The following GHR variants were observed in gnomAD, a reference collection of about 807,000 sequenced individuals.
GHR encodes the protein growth hormone receptor.
Under a neutral mutation model 67.1 loss-of-function variants are expected in GHR, and 35 were observed. The observed-to-expected ratio is 0.52, with a 90% CI of 0.40 to 0.69. GHR has a LOEUF of 0.69. Ranked by LOEUF, GHR falls within the 30% of genes least tolerant of loss-of-function variation. The pLI, the probability that GHR is intolerant of heterozygous loss-of-function variation, is 0.00. For synonymous variants in GHR, 272 were observed against 269.1 expected, an observed-to-expected ratio of 1.01 and a Z score of -0.10; for missense variants, 792 against 764.6, an observed-to-expected ratio of 1.04 and a Z score of -0.42.
chr5:42,663,305 A>G (rs1339364047), intron 3 of GHR, among the ~76,000 whole-genome samples: 1 of 152,256 alleles, frequency 6.6e-6, no homozygotes, highest in Non-Finnish European at 1.5e-5. Context: ...AGAGAATTTT[A>G]GGCCAATATC....
chr5:42,583,543 C>A (rs186489060), intron 2 of GHR, among the ~76,000 whole-genome samples: 1 of 152,270 alleles, frequency 6.6e-6, no homozygotes, highest in East Asian at 1.9e-4. Flanking sequence ...CACAAGTCAG[C>A]GCAGGTCCCC....
At chr5:42,464,521 C>A (rs1744642911) in intron 1 of GHR, among the ~76,000 whole-genome samples, 2 of 151,940 alleles carry the variant, frequency 1.3e-5, no homozygotes, top group Non-Finnish European at 2.9e-5. Context: ...TGGACCAAGT[C>A]AAGAGGAAAG....
intron 1 of GHR, among the ~76,000 whole-genome samples, chr5:42,521,891 T>C (rs544446926): frequency 9.8e-5 from 15 of 152,366 alleles, no homozygotes; most frequent in African/African-American, 3.1e-4. Flanking sequence ...ATATTCTCTT[T>C]GCTGTTTTTA....
rs1202099034 is a variant in GHR at position 42,424,772 on chromosome 5, C to G, written c.-12+817C>G. 6.6e-6 allele frequency among the ~76,000 whole-genome samples: 1 copy of G among 152,172 alleles called. No homozygotes were observed. Among genetic ancestry groups the G allele is most frequent in the East Asian group, 1.9e-4 (1 of 5,162 alleles). ...CAGAGGGTGCGGGGCAGGGCACTTG[C>G]GAGTGCGTGGGGAAGTCTATTTGGG... On this transcript the variant is annotated intron_variant, in intron 1 of 9. Coordinates refer to ENST00000230882, the MANE Select transcript of GHR (RefSeq NM_000163.5). The surrounding 1 kb of genome is among the most constrained non-coding windows in gnomAD (Gnocchi z 4.1).
At chr5:42,646,883 A>G (rs80296714) in intron 3 of GHR, among the ~76,000 whole-genome samples, 2,413 of 152,282 alleles carry the variant, frequency 0.016, 22 homozygotes, top group Middle Eastern at 0.051. Flanking sequence ...TGACTTGCAT[A>G]CTTTCTCATA....
At chr5:42,558,973 G>C (rs1749456228) in intron 1 of GHR, among the ~76,000 whole-genome samples, 1 of 152,020 alleles carries the variant, frequency 6.6e-6, no homozygotes, top group African/African-American at 2.4e-5. Flanking sequence ...TCAATTCTGT[G>C]TATATTTTAT....
At chr5:42,649,240 T>C (rs1754896697) in intron 3 of GHR, among the ~76,000 whole-genome samples, 1 of 152,210 alleles carries the variant, frequency 6.6e-6, no homozygotes, top group Non-Finnish European at 1.5e-5. Flanking sequence ...TAGTTTCCTT[T>C]CTTTTTGTGC....
chr5:42,513,589 C>A (rs1747115538), intron 1 of GHR, among the ~76,000 whole-genome samples: 1 of 152,120 alleles, frequency 6.6e-6, no homozygotes, highest in Admixed American at 6.5e-5. Flanking sequence ...TCCAGCCCAG[C>A]CTGACCAACA....
intron 1 of GHR, among the ~76,000 whole-genome samples, chr5:42,495,485 AT>A (rs937907154): frequency 6.6e-5 from 10 of 151,672 alleles, no homozygotes; most frequent in African/African-American, 2.4e-4. Flanking sequence ...TTATTTACAC[AT>A]TTTCCTTGTG....
intron 2 of GHR, among the ~76,000 whole-genome samples, chr5:42,602,775 G>A (rs1752443269): frequency 6.6e-6 from 1 of 152,034 alleles, no homozygotes; most frequent in African/African-American, 2.4e-5. Context: ...AGAACTCTCT[G>A]CTTTTACCTC....
chr5:42,695,886 A>G (rs1378030615), intron 5 of GHR, among the ~76,000 whole-genome samples: 3 of 152,160 alleles, frequency 2.0e-5, no homozygotes, highest in Admixed American at 2.0e-4. Context: ...TGTTCTTTTT[A>G]TGTGGTTTTC....
chr5:42,613,358 A>G (rs116457934), intron 2 of GHR, among the ~76,000 whole-genome samples: 2,509 of 152,230 alleles, frequency 0.016, 57 homozygotes, highest in African/African-American at 0.058. Context: ...AGCTGTAATC[A>G]ACTTAACCAC....
Position 42,617,385 on chromosome 5 carries a change from TACACACACACAC to T in GHR, c.71-11623_71-11612del, listed in dbSNP as rs10581858. Among the ~76,000 whole-genome samples, 686 of 149,252 alleles carry T rather than the reference TACACACACACAC, an allele frequency of 4.6e-3. 4 individuals carry two copies. The highest frequency in any genetic ancestry group is 0.016 in the African/African-American group (655 of 40,384). ...CTAGCTGCTGCTAGGAAGTTCATTTTACACACACACACACACACACACACACACACACACACA... is the reference window on the plus strand; with the variant it reads ...CTAGCTGCTGCTAGGAAGTTCATTTTACACACACACACACACACACACACA... On this transcript the variant is annotated intron_variant, in intron 2 of 9. Transcript: ENST00000230882.
At chr5:42,442,094 T>A (rs1743604867) in intron 1 of GHR, among the ~76,000 whole-genome samples, 1 of 152,156 alleles carries the variant, frequency 6.6e-6, no homozygotes, top group Non-Finnish European at 1.5e-5. Flanking sequence ...CAAAGGAGTT[T>A]TTGTTCGATG....
At chr5:42,647,604 G>T (rs1580121369) in intron 3 of GHR, 1 of 406,090 alleles carries the variant, frequency 2.5e-6, no homozygotes, top group East Asian at 7.8e-5. Flanking sequence ...AAGGGCCAAA[G>T]TAACAATGTA....
At chr5:42,553,771 A>G (rs540129855) in intron 1 of GHR, among the ~76,000 whole-genome samples, 1 of 152,212 alleles carries the variant, frequency 6.6e-6, no homozygotes, top group East Asian at 1.9e-4. Context: ...ACTTTGAAAT[A>G]TTGTCGTTGA....
intron 1 of GHR, among the ~76,000 whole-genome samples, chr5:42,539,029 G>A (rs551451867): frequency 2.0e-5 from 3 of 151,916 alleles, no homozygotes; most frequent in Non-Finnish European, 4.4e-5. Flanking sequence ...CTGAAGTTTT[G>A]ATTTTTTTTC....
chr5:42,639,868 C>G (rs548893536), intron 3 of GHR, among the ~76,000 whole-genome samples: 1 of 152,194 alleles, frequency 6.6e-6, no homozygotes, highest in East Asian at 1.9e-4. Flanking sequence ...CAGGGCCTTA[C>G]AAAAAGTAGA....
chr5:42,504,516 T>A (rs902912801), intron 1 of GHR, among the ~76,000 whole-genome samples: 7 of 152,126 alleles, frequency 4.6e-5, no homozygotes, highest in Non-Finnish European at 8.8e-5. Flanking sequence ...ATCCCAGCAC[T>A]TTGGGAGGCC....
Sources: gnomAD v4.1 joint callset for allele counts (sites outside exome capture counted in the v4.1 genomes callset) on GRCh38, gnomAD v4.1.1 for gene constraint, Gnocchi (gnomAD v3.1) non-coding constraint, MANE v1.5 for transcripts, NCBI Gene and HGNC (gene_info 2026-07-23, HGNC 2026-07-21) for gene names.